Variants in TRIM44 observed in about 807,000 individuals in gnomAD.
TRIM44 encodes tripartite motif-containing protein 44.
In TRIM44, 13 loss-of-function variants were observed where a neutral mutation model predicts 37.4. That is an observed-to-expected ratio of 0.35 (90% CI 0.23 to 0.55). TRIM44 has a LOEUF of 0.55. Among genes scored for constraint, TRIM44 ranks in the 20% least tolerant of loss-of-function variants. The pLI is 0.89. For missense variants in TRIM44, 426 were observed against 437.2 expected (o/e 0.97, Z 0.23); for synonymous variants, 175 against 157.2 (o/e 1.11, Z -0.85).
At chr11:35,703,136 C>T (rs1490833647) in intron 2 of TRIM44, among the ~76,000 whole-genome samples, 1 of 152,214 alleles carries the variant, frequency 6.6e-6, no homozygotes, top group African/African-American at 2.4e-5. Context: ...GTCCTATGCC[C>T]ACAGAGTCTC....
At chr11:35,756,721 G>A (rs1852648451) in intron 4 of TRIM44, among the ~76,000 whole-genome samples, 1 of 152,192 alleles carries the variant, frequency 6.6e-6, no homozygotes, top group Non-Finnish European at 1.5e-5. Context: ...ATGAAGGGTT[G>A]TTGAATTTTG....
At chr11:35,715,917 G>A (rs7924904) in intron 2 of TRIM44, among the ~76,000 whole-genome samples, 2 of 152,108 alleles carry the variant, frequency 1.3e-5, no homozygotes, top group Admixed American at 6.6e-5. Context: ...TCATTATACA[G>A]TACCAAGAGG....
intron 4 of TRIM44, among the ~76,000 whole-genome samples, chr11:35,755,017 C>T (rs1184771262): frequency 6.6e-6 from 1 of 152,154 alleles, no homozygotes; most frequent in Non-Finnish European, 1.5e-5. Flanking sequence ...TGGGTATATA[C>T]CCAGTAATGG....
chr11:35,791,004 A>T (rs979296831), intron 4 of TRIM44, among the ~76,000 whole-genome samples: 1 of 152,140 alleles, frequency 6.6e-6, no homozygotes. Flanking sequence ...TTGAGTTATT[A>T]ACTAGGCATA....
intron 4 of TRIM44, among the ~76,000 whole-genome samples, chr11:35,745,322 T>C (rs557328062): frequency 2.6e-5 from 4 of 152,350 alleles, no homozygotes; most frequent in African/African-American, 9.6e-5. Context: ...CTTGTATGTC[T>C]TCTTTGGAGA....
rs368639378 is a variant in TRIM44 at position 35,776,424 on chromosome 11, AT to A, written c.1008-29927del. Among the ~76,000 whole-genome samples, 256 of 152,084 alleles carry A rather than the reference AT, an allele frequency of 1.7e-3. 8 individuals are homozygous for A. The East Asian group carries it at 0.04, about 24-fold the overall frequency. ...AAAAAACCAGCTCCTGGATTCATTGATTTTTTTGAAGGGTTTTTTGTGTCTC... is the reference window on the plus strand; with the variant it reads ...AAAAAACCAGCTCCTGGATTCATTGATTTTTTGAAGGGTTTTTTGTGTCTC... On this transcript the variant is annotated intron_variant, in intron 4 of 4. Transcript: ENST00000299413.
intron 2 of TRIM44, among the ~76,000 whole-genome samples, chr11:35,703,132 T>C (rs996576165): frequency 6.6e-6 from 1 of 152,206 alleles, no homozygotes; most frequent in African/African-American, 2.4e-5. Context: ...GAGGGTCCTA[T>C]GCCCACAGAG....
chr11:35,688,425 T>C (rs1851604892), intron 2 of TRIM44, among the ~76,000 whole-genome samples: 1 of 152,194 alleles, frequency 6.6e-6, no homozygotes, highest in South Asian at 2.1e-4. Flanking sequence ...GATTTAAAAA[T>C]ACAGATATTC....
intron 4 of TRIM44, among the ~76,000 whole-genome samples, chr11:35,776,132 T>C (rs1244328556): frequency 6.6e-6 from 1 of 152,216 alleles, no homozygotes; most frequent in Non-Finnish European, 1.5e-5. Context: ...TCTTAATTAT[T>C]GCCTCAATTT....
chr11:35,699,029 T>G (rs1433366802), intron 2 of TRIM44, among the ~76,000 whole-genome samples: 1 of 147,276 alleles, frequency 6.8e-6, no homozygotes, highest in Non-Finnish European at 1.5e-5. Flanking sequence ...CAGCACCATT[T>G]ATTAAATAGG....
At chr11:35,695,968 C>T (rs905803668) in intron 2 of TRIM44, among the ~76,000 whole-genome samples, 1 of 148,740 alleles carries the variant, frequency 6.7e-6, no homozygotes, top group Admixed American at 6.7e-5. Flanking sequence ...TGGATGCTTT[C>T]GGGGCCCTCT....
intron 2 of TRIM44, among the ~76,000 whole-genome samples, chr11:35,708,905 AT>A (rs1180754474): frequency 6.6e-6 from 1 of 151,660 alleles, no homozygotes; most frequent in Non-Finnish European, 1.5e-5. Flanking sequence ...AAAACTTAAA[AT>A]ATAATAATAA....
At chr11:35,761,912 A>T (rs1483903293) in intron 4 of TRIM44, among the ~76,000 whole-genome samples, 1 of 152,248 alleles carries the variant, frequency 6.6e-6, no homozygotes, top group Non-Finnish European at 1.5e-5. Context: ...AGGATGCAGC[A>T]GAGAGAGCCT....
At chr11:35,678,781 G>A (rs527679262) in intron 1 of TRIM44, among the ~76,000 whole-genome samples, 1 of 152,184 alleles carries the variant, frequency 6.6e-6, no homozygotes, top group South Asian at 2.1e-4. Flanking sequence ...TGTATTTTTA[G>A]TAGAGATAGG....
intron 1 of TRIM44, among the ~76,000 whole-genome samples, chr11:35,682,229 C>T (rs600797): frequency 0.75 from 113,315 of 152,000 alleles, 43,346 homozygotes; most frequent in African/African-American, 0.93. Flanking sequence ...CAGAGCCTCT[C>T]CTTGAGTCCG....
chr11:35,677,748 C>T lies in TRIM44; in HGVS notation c.670-7511C>T, dbSNP rs1851474556. Among the ~76,000 whole-genome samples, 2 of 152,054 alleles carry T rather than the reference C, an allele frequency of 1.3e-5. 1 individual carries two copies. The highest frequency in any genetic ancestry group is 4.1e-4 in the South Asian group (2 of 4,820). On this transcript the variant is annotated intron_variant, in intron 1 of 4. Transcript: ENST00000299413. ...AGTATTTTGGCCAGTAGGGAACCAA[C>T]AAGAAGCAACTCTAAGTCATGGAAT...
In TRIM44 at chr11:35,816,194, CAGAT is replaced by C. The variant is rs1853578979; in HGVS notation, c.*9810_*9813del. ...ATTCCAGGCACAAATTCTCAGATTT[CAGAT>C]GTTTGGGAAATTTCTCAGCTTGGGT... On this transcript the variant is annotated 3_prime_UTR_variant, in exon 5 of 5. Transcript: ENST00000299413. 6.6e-6 allele frequency: 1 copy of C among 152,006 alleles called. No homozygotes were observed. Among genetic ancestry groups the C allele is most frequent in the African/African-American group, 2.4e-5 (1 of 41,362 alleles). The allele number at this position is 152,006 out of a possible 1,614,324, so 9.4% of individuals were successfully genotyped here. A position where few individuals can be genotyped will look rare whatever the true frequency, so the allele number is the denominator to read the frequency against.
chr11:35,799,955 A>C (rs534783468), intron 4 of TRIM44, among the ~76,000 whole-genome samples: 49 of 152,344 alleles, frequency 3.2e-4, no homozygotes, highest in African/African-American at 1.2e-3. Flanking sequence ...TGAAATAAAG[A>C]ATCATGGGAC....
chr11:35,799,947 A>G (rs1853344371), intron 4 of TRIM44, among the ~76,000 whole-genome samples: 1 of 152,200 alleles, frequency 6.6e-6, no homozygotes, highest in African/African-American at 2.4e-5. Flanking sequence ...ACCCATGATG[A>G]AATAAAGAAT....
Sources: allele counts gnomAD v4.1 joint callset (sites outside exome capture counted in the v4.1 genomes callset), GRCh38; gene constraint gnomAD v4.1.1; transcripts MANE v1.5; gene names NCBI Gene and HGNC (gene_info 2026-07-23, HGNC 2026-07-21).